SLC9B1: variants seen among roughly 807,000 people sequenced by gnomAD.
SLC9B1 encodes the protein solute carrier family 9 member B1, also known as sodium/hydrogen exchanger 9B1.
A neutral mutation model predicts 51.7 loss-of-function variants in SLC9B1; 32 were observed. The observed-to-expected ratio is 0.62, with a 90% CI of 0.47 to 0.83. SLC9B1 has a LOEUF of 0.83. SLC9B1 is among the 40% of genes least tolerant of loss of function. The pLI is 0.00. For synonymous variants in SLC9B1, 145 were observed against 212.7 expected (o/e 0.68, Z 2.77); for missense variants, 406 against 613.2 (o/e 0.66, Z 3.57).
At chr4:103,007,273 T>A (rs1740835757) in intron 1 of SLC9B1, among the ~76,000 whole-genome samples, 1 of 151,828 alleles carries the variant, frequency 6.6e-6, no homozygotes, top group Non-Finnish European at 1.5e-5. Flanking sequence ...CTACAGAAAA[T>A]TTTCAGGATA....
chr4:102,935,421 G>A (rs192655651), intron 6 of SLC9B1, among the ~76,000 whole-genome samples: 2 of 152,276 alleles, frequency 1.3e-5, no homozygotes, highest in East Asian at 1.9e-4. Context: ...TGGCCATACC[G>A]AAGGGATTTT....
chr4:102,963,971 A>C (rs1291732260), intron 3 of SLC9B1, among the ~76,000 whole-genome samples: 1 of 152,110 alleles, frequency 6.6e-6, no homozygotes, highest in Non-Finnish European at 1.5e-5. Context: ...GGAAAACGAT[A>C]AATACAGAAC....
At chr4:103,003,206 T>A (rs558711906) in intron 1 of SLC9B1, among the ~76,000 whole-genome samples, 6 of 152,186 alleles carry the variant, frequency 3.9e-5, no homozygotes, top group Admixed American at 2.6e-4. Flanking sequence ...TCCTTTCTAA[T>A]AAAGGAAAGA....
At chr4:102,934,883 T>C (rs944675546) in intron 6 of SLC9B1, among the ~76,000 whole-genome samples, 31 of 152,154 alleles carry the variant, frequency 2.0e-4, no homozygotes, top group Non-Finnish European at 3.7e-4. Flanking sequence ...CATTCAATTA[T>C]ATTAAAGTAG....
chr4:103,001,853 T>A (rs1453038497), intron 1 of SLC9B1, among the ~76,000 whole-genome samples: 1 of 152,218 alleles, frequency 6.6e-6, no homozygotes, highest in Non-Finnish European at 1.5e-5. Context: ...TATAAAGAAC[T>A]GCCCAACATT....
chr4:102,905,782 A>G (rs1050323244), intron 10 of SLC9B1, 132 bp from the exon 11 acceptor site: 16 of 771,788 alleles, frequency 2.1e-5, no homozygotes, highest in Non-Finnish European at 3.3e-5. Context: ...TATTTTTTAC[A>G]TAAAAACAAT....
At chr4:103,018,023 C>T (rs536327908) in intron 1 of SLC9B1, among the ~76,000 whole-genome samples, 4 of 152,142 alleles carry the variant, frequency 2.6e-5, no homozygotes, top group African/African-American at 9.7e-5. Flanking sequence ...TTCAGAAGCT[C>T]ATCCATTCAT....
intron 11 of SLC9B1, among the ~76,000 whole-genome samples, chr4:102,893,279 C>T (rs1335819016): frequency 1.2e-4 from 2 of 17,122 alleles, no homozygotes; most frequent in South Asian, 3.5e-3. Context: ...AAGACTCCAT[C>T]TCAAAAAAAA....
At chr4:102,983,440 T>C (rs938986132) in intron 3 of SLC9B1, among the ~76,000 whole-genome samples, 1 of 152,204 alleles carries the variant, frequency 6.6e-6, no homozygotes, top group African/African-American at 2.4e-5. Flanking sequence ...GCTTATGTCT[T>C]CTAGAAATAG....
intron 1 of SLC9B1, among the ~76,000 whole-genome samples, chr4:103,008,334 T>G (rs1005138725): frequency 4.6e-5 from 7 of 152,174 alleles, no homozygotes; most frequent in South Asian, 2.1e-4. Context: ...TTTTTTAGAA[T>G]GTCTGTTTGA....
intron 3 of SLC9B1, among the ~76,000 whole-genome samples, chr4:102,968,728 T>C (rs1738567601): frequency 6.6e-6 from 1 of 152,212 alleles, no homozygotes; most frequent in African/African-American, 2.4e-5. Flanking sequence ...GGGCAGGGCA[T>C]CGCCTCATCC....
Position 102,949,281 on chromosome 4 carries a change from C to T in SLC9B1, c.358G>A (p.Val120Met). The change falls in exon 4 of 12, where the codon GTG (valine) becomes ATG (methionine). Residue 120 changes from valine to methionine, a missense_variant. Transcript: ENST00000296422. ...KILQLIRIPLVPPLPPLLGML... is the reference protein window; with the variant it reads ...KILQLIRIPLMPPLPPLLGML... The stretch of plus-strand genomic sequence containing the variant: ...CCAAGAAGAGGTGGAAGTGGAGGCA[C>T]TAAAGGTATTCTAATGAGTTGTAAA... 3.7e-6 allele frequency: 6 copies of T among 1,602,754 alleles called. No homozygotes were observed. The highest frequency in any genetic ancestry group is 2.6e-6 in the Non-Finnish European group (3 of 1,175,670).
intron 1 of SLC9B1, 21 bp from the exon 2 acceptor site, chr4:102,991,733 A>G: frequency 6.7e-7 from 1 of 1,488,378 alleles, no homozygotes; most frequent in Non-Finnish European, 9.1e-7. Flanking sequence ...AAAGAAAAAT[A>G]CTTTAAAAGA....
chr4:103,002,907 T>C (rs1198396739), intron 1 of SLC9B1, among the ~76,000 whole-genome samples: 1 of 152,250 alleles, frequency 6.6e-6, no homozygotes, highest in African/African-American at 2.4e-5. Context: ...GCTTCCCCTA[T>C]AGTCCTCTCA....
chr4:102,963,256 C>A, intron 3 of SLC9B1: 1 of 341,906 alleles, frequency 2.9e-6, no homozygotes, highest in South Asian at 2.6e-5. Context: ...TCAGGCCTGT[C>A]ACACCAAGAA....
intron 7 of SLC9B1, among the ~76,000 whole-genome samples, chr4:102,925,032 T>C (rs1736085433): frequency 1.3e-5 from 2 of 152,138 alleles, no homozygotes; most frequent in South Asian, 4.1e-4. Context: ...AAATACCATT[T>C]CACCCAGCCA....
chr4:102,982,847 C>A (rs371581393), intron 3 of SLC9B1, among the ~76,000 whole-genome samples: 1 of 152,060 alleles, frequency 6.6e-6, no homozygotes, highest in African/African-American at 2.4e-5. Flanking sequence ...AAATTTATTT[C>A]TTCCTTCCTA....
intron 3 of SLC9B1, among the ~76,000 whole-genome samples, chr4:102,980,142 T>A (rs1739280711): frequency 6.6e-6 from 1 of 152,214 alleles, no homozygotes; most frequent in Non-Finnish European, 1.5e-5. Flanking sequence ...TTTACACTGT[T>A]GGTGGGAATT....
chr4:102,889,007 A>AT (rs1734087948), intron 11 of SLC9B1: 1 of 152,112 alleles, frequency 6.6e-6, no homozygotes, highest in South Asian at 2.1e-4. Flanking sequence ...AATAAAACTA[A>AT]TTGTTATTGG....
Sources: allele counts gnomAD v4.1 joint callset (sites outside exome capture counted in the v4.1 genomes callset), GRCh38; gene constraint gnomAD v4.1.1; transcripts MANE v1.5; gene names NCBI Gene and HGNC (gene_info 2026-07-23, HGNC 2026-07-21).